CPNE7: variants seen among roughly 807,000 people sequenced by gnomAD.
CPNE7 encodes the protein copine-7.
A neutral mutation model predicts 66.5 loss-of-function variants in CPNE7; 78 were observed. The observed-to-expected ratio is 1.17, with a 90% CI of 0.98 to 1.42. The LOEUF is 1.42. Among genes scored for constraint, CPNE7 ranks in the 40% most tolerant of loss-of-function variants. The probability of loss-of-function intolerance (pLI) is 0.00; values close to 1 mark genes in which losing one functional copy is unlikely to be tolerated. For synonymous variants in CPNE7, 468 were observed against 336.7 expected (o/e 1.39, Z -4.27); for missense variants, 1,012 against 776.6 (o/e 1.30, Z -3.60).
chr16:89,579,617 G>A (rs2058916640), intron 2 of CPNE7, among the ~76,000 whole-genome samples: 1 of 149,446 alleles, frequency 6.7e-6, no homozygotes, highest in Non-Finnish European at 1.5e-5. Flanking sequence ...CCATCACACG[G>A]AACATCCCAT....
At chr16:89,595,702 G>A in intron 14 of CPNE7, 99 bp downstream of exon 14, 1 of 1,062,216 alleles carries the variant, frequency 9.4e-7, no homozygotes, top group Admixed American at 1.8e-5. Flanking sequence ...CAGTGGATGT[G>A]GCAGGTCCCT....
chr16:89,586,720 T>A lies in CPNE7; in HGVS notation c.831T>A (p.Tyr277Ter). ...AATACAAGCAGAAGAGACGCAGTTA[T>A]AAGAACTCAGGAGTGGTCGTCCTGG... ...NPKYKQKRRS[Y>*]KNSGVVVLAD... is the part of the protein sequence containing the mutation. The change falls in exon 8 of 15, where the codon TAT (tyrosine) becomes TAA (stop). Residue 277 changes from tyrosine to a stop codon, truncating the protein, a stop_gained. Transcript: ENST00000319518. LOFTEE classifies it high-confidence loss of function. 6.2e-7 allele frequency: 1 copy of A among 1,612,704 alleles called. No individual in the cohort carries two copies. The highest frequency in any genetic ancestry group is 1.7e-5 in the Admixed American group (1 of 59,926).
chr16:89,588,591 C>T lies in CPNE7; in HGVS notation c.928-84C>T. 7.0e-6 allele frequency: 11 copies of T among 1,571,994 alleles called. No homozygotes were observed. The South Asian group carries it at 1.3e-4, about 18-fold the overall frequency. ...GACCCCTGACCCTGAGTCCTGGCCA[C>T]TCTGGGCGTGGTTTCTCTACCTGTC... On this transcript the variant is annotated intron_variant, in intron 9 of 14. Coordinates refer to ENST00000319518, the MANE Select transcript of CPNE7 (RefSeq NM_153636.3).
At chr16:89,590,951 G>A in intron 11 of CPNE7, 56 bp from the exon 12 acceptor site, 1 of 1,601,018 alleles carries the variant, frequency 6.2e-7, no homozygotes, top group Non-Finnish European at 8.5e-7. Context: ...AGGGACATGG[G>A]GCCAGTGGGG....
At chr16:89,591,845 C>CAT (rs2059175200) in intron 13 of CPNE7, among the ~76,000 whole-genome samples, 1 of 151,690 alleles carries the variant, frequency 6.6e-6, no homozygotes, top group Admixed American at 6.6e-5. Context: ...GGACTACAGG[C>CAT]GCCCGCCACC....
At chr16:89,588,650 G>A in intron 9 of CPNE7, 25 bp from the exon 10 acceptor site, 1 of 1,612,468 alleles carries the variant, frequency 6.2e-7, no homozygotes, top group South Asian at 1.1e-5. Flanking sequence ...GCCCAGCACA[G>A]CTCCTGGCTC....
At chr16:89,589,631 G>A (rs576188064) in intron 10 of CPNE7, among the ~76,000 whole-genome samples, 23 of 152,274 alleles carry the variant, frequency 1.5e-4, no homozygotes, top group African/African-American at 5.5e-4. Context: ...GAGCCCCCGG[G>A]GAGGCGTCTG....
At chr16:89,576,542 G>C (rs920903248) in intron 1 of CPNE7, among the ~76,000 whole-genome samples, 1 of 152,202 alleles carries the variant, frequency 6.6e-6, no homozygotes, top group Non-Finnish European at 1.5e-5. Context: ...GCTCCAACGT[G>C]GGTCTCAAGC....
At chr16:89,576,334 C>A (rs967264368) in intron 1 of CPNE7, among the ~76,000 whole-genome samples, 9 of 151,494 alleles carry the variant, frequency 5.9e-5, no homozygotes, top group African/African-American at 2.2e-4. Context: ...GTGAGGGGTG[C>A]GGCCCAGGGT....
Position 89,585,497 on chromosome 16 carries a change from G to GCCTTCAA in CPNE7, c.626_632dup (p.Lys211AsnfsTer49). The stretch of plus-strand genomic sequence containing the variant: ...GAACAACCTGAACCCGGTGTGGGAG[G>GCCTTCAA]CCTTCAAAGTCTCTCTGAGTTCCCT... On this transcript the variant is annotated frameshift_variant, in exon 6 of 15. Coordinates refer to ENST00000319518, the MANE Select transcript of CPNE7 (RefSeq NM_153636.3). LOFTEE classifies it high-confidence loss of function. The GCCTTCAA allele has an allele frequency of 6.2e-7, 1 of 1,612,296 alleles. No homozygotes were observed. The highest frequency in any genetic ancestry group is 8.5e-7 in the Non-Finnish European group (1 of 1,179,566).
intron 13 of CPNE7, among the ~76,000 whole-genome samples, chr16:89,594,624 T>G (rs557089741): frequency 1.3e-5 from 2 of 151,264 alleles, no homozygotes; most frequent in African/African-American, 4.9e-5. Context: ...GTTGATTTTA[T>G]TTGAAGTTCC....
intron 2 of CPNE7, among the ~76,000 whole-genome samples, chr16:89,582,371 G>A (rs553698661): frequency 6.6e-6 from 1 of 152,342 alleles, no homozygotes; most frequent in East Asian, 1.9e-4. Context: ...CCTGGTAGGG[G>A]AATCTGTTGT....
At chr16:89,583,208 C>T (rs754647893) in intron 2 of CPNE7, among the ~76,000 whole-genome samples, 13 of 152,316 alleles carry the variant, frequency 8.5e-5, no homozygotes, top group Middle Eastern at 3.4e-3. Context: ...GCCGGCACCT[C>T]GCTCACACCC....
At position 89,579,139 on chromosome 16, in the gene CPNE7, G is replaced by A. The variant is rs890262913; in HGVS notation, c.357+1418G>A. The A allele has an allele frequency of 8.2e-5, 45 of 549,450 alleles. No homozygotes were observed. In the African/African-American group the frequency reaches 8.2e-4, roughly 10 times the overall value. 34.0% of individuals were successfully genotyped at this position (549,450 alleles called of 1,614,324 possible). On this transcript the variant is annotated intron_variant, in intron 2 of 14. Coordinates refer to ENST00000319518, the MANE Select transcript of CPNE7 (RefSeq NM_153636.3). ...CCCCATCTCTACTAAAAATAGAAAA[G>A]AAATTAGCCAGGCGTGGTGGTGCGT...
At chr16:89,589,686 C>T (rs575030402) in intron 10 of CPNE7, among the ~76,000 whole-genome samples, 3 of 152,268 alleles carry the variant, frequency 2.0e-5, no homozygotes, top group South Asian at 2.1e-4. Context: ...GAGGCAGGCT[C>T]GCGGGCGGCA....
At chr16:89,580,629 T>A (rs62068673) in intron 2 of CPNE7, among the ~76,000 whole-genome samples, 3 of 78,378 alleles carry the variant, frequency 3.8e-5, no homozygotes, top group Admixed American at 1.2e-4. Flanking sequence ...ACATCTCACC[T>A]GTCACACGGA....
Position 89,595,562 on chromosome 16 carries a change from C to T in CPNE7, c.1498C>T (p.Arg500Trp), listed in dbSNP as rs372464350. 1.1e-5 allele frequency: 17 copies of T among 1,611,758 alleles called. No individual in the cohort carries two copies. Among genetic ancestry groups the T allele is most frequent in the Admixed American group, 3.3e-5 (2 of 59,978 alleles). ...CTCCCCACGGGGTGAGCCCGCGCTC[C>T]GGGACATCGTACAGTTCGTGCCCTT... ...LRSPRGEPAL[R>W]DIVQFVPFRE... is the part of the protein sequence containing the mutation. Residue 500 changes from arginine to tryptophan, a missense_variant, in exon 14 of 15, where the codon CGG (arginine) becomes TGG (tryptophan). Physicochemically the swap from Arg to Trp is moderately radical, Grantham distance 101 (BLOSUM62 -3). Coordinates refer to ENST00000319518, the MANE Select transcript of CPNE7 (RefSeq NM_153636.3).
At chr16:89,581,196 G>A (rs550586806) in intron 2 of CPNE7, among the ~76,000 whole-genome samples, 265 of 147,774 alleles carry the variant, frequency 1.8e-3, no homozygotes, top group African/African-American at 1.6e-3. Flanking sequence ...CCGCTGACAC[G>A]GAATATCTGA....
intron 13 of CPNE7, 124 bp downstream of exon 13, chr16:89,591,384 G>A (rs1309003405): frequency 7.4e-7 from 1 of 1,345,008 alleles, no homozygotes; most frequent in Non-Finnish European, 9.8e-7. Flanking sequence ...AGGCAGGACA[G>A]AGCTCAGGAG....
Sources: gnomAD v4.1 joint callset for allele counts (sites outside exome capture counted in the v4.1 genomes callset) on GRCh38, gnomAD v4.1.1 for gene constraint, MANE v1.5 for transcripts, NCBI Gene and HGNC (gene_info 2026-07-23, HGNC 2026-07-21) for gene names.